The following PIK3C2G variants were observed in gnomAD, a reference collection of about 807,000 sequenced individuals.
PIK3C2G encodes phosphatidylinositol-4-phosphate 3-kinase catalytic subunit type 2 gamma.
Under a neutral mutation model 181.1 loss-of-function variants are expected in PIK3C2G, and 168 were observed. That is an observed-to-expected ratio of 0.93 (90% confidence interval 0.82 to 1.05). The LOEUF is 1.05. PIK3C2G is among the 50% of genes least tolerant of loss of function. The probability of loss-of-function intolerance (pLI) is 0.00; values close to 1 mark genes in which losing one functional copy is unlikely to be tolerated. For missense variants in PIK3C2G, 1,869 were observed against 1,732.8 expected (o/e 1.08, Z -1.40); for synonymous variants, 573 against 592.2 (o/e 0.97, Z 0.47).
At chr12:18,515,070 A>T (rs533036099) in intron 24 of PIK3C2G, among the ~76,000 whole-genome samples, 22 of 152,096 alleles carry the variant, frequency 1.4e-4, no homozygotes, top group African/African-American at 5.3e-4. Context: ...TCATCCTTGC[A>T]TCTCTGATAT....
the PIK3C2G span, chr12:18,693,527 G>T: frequency 6.2e-7 from 1 of 1,611,790 alleles, no homozygotes; most frequent in Admixed American, 1.7e-5. Context: ...CTTGAGAGTG[G>T]TTGGCTCTGA....
intron 27 of PIK3C2G, 69 bp downstream of exon 27, chr12:18,562,961 C>T: frequency 1.0e-6 from 1 of 976,840 alleles, no homozygotes; most frequent in Middle Eastern, 2.1e-4. Context: ...CTTCACTATG[C>T]TACACAGCCT....
intron 26 of PIK3C2G, among the ~76,000 whole-genome samples, chr12:18,559,091 G>T (rs1367326080): frequency 1.3e-5 from 2 of 152,188 alleles, no homozygotes; most frequent in Non-Finnish European, 2.9e-5. Flanking sequence ...ATGTCAAACT[G>T]CTTACAGTGG....
intron 5 of PIK3C2G, 24 bp from the exon 6 acceptor site, chr12:18,313,938 T>G (rs757414384): frequency 9.7e-6 from 11 of 1,131,640 alleles, no homozygotes; most frequent in Non-Finnish European, 1.4e-5. Flanking sequence ...AGGATATGAT[T>G]GTGTTCATTT....
chr12:18,694,818 T>C, the PIK3C2G span: 4 of 1,029,772 alleles, frequency 3.9e-6, no homozygotes, highest in Non-Finnish European at 5.6e-6. Context: ...TTAAAAGAAA[T>C]TGAAGCAAAT....
intron 18 of PIK3C2G, among the ~76,000 whole-genome samples, chr12:18,449,116 A>G (rs1031754127): frequency 2.9e-4 from 44 of 152,108 alleles, no homozygotes; most frequent in African/African-American, 1.0e-3. Context: ...CAGTGTATTG[A>G]GTCCTCTTGG....
At chr12:18,395,984 A>G (rs1943868603) in intron 15 of PIK3C2G, among the ~76,000 whole-genome samples, 1 of 151,522 alleles carries the variant, frequency 6.6e-6, no homozygotes, top group Admixed American at 6.6e-5. Flanking sequence ...CAAACAAAGA[A>G]AAAAACACGC....
At chr12:18,500,567 G>GC (rs1381383683) in intron 22 of PIK3C2G, among the ~76,000 whole-genome samples, 1 of 152,184 alleles carries the variant, frequency 6.6e-6, no homozygotes, top group Non-Finnish European at 1.5e-5. Context: ...TCCACCTGCA[G>GC]CCCCAATGCG....
chr12:18,642,259 C>T (rs1949882162), intron 32 of PIK3C2G, among the ~76,000 whole-genome samples: 1 of 152,156 alleles, frequency 6.6e-6, no homozygotes, highest in Non-Finnish European at 1.5e-5. Context: ...CATTTAAGTA[C>T]ATTACCCATT....
intron 24 of PIK3C2G, among the ~76,000 whole-genome samples, chr12:18,537,501 T>C (rs1943922654): frequency 6.6e-6 from 1 of 152,098 alleles, no homozygotes; most frequent in Non-Finnish European, 1.5e-5. Flanking sequence ...CGTGGGACCA[T>C]CTTCTCTCTG....
intron 18 of PIK3C2G, among the ~76,000 whole-genome samples, chr12:18,434,223 CT>C (rs928405387): frequency 6.6e-6 from 1 of 152,102 alleles, no homozygotes; most frequent in Non-Finnish European, 1.5e-5. Context: ...TTTTGGGAGA[CT>C]TTTTTATAAG....
chr12:18,330,427 T>C (rs1937810415), intron 8 of PIK3C2G, among the ~76,000 whole-genome samples: 1 of 152,284 alleles, frequency 6.6e-6, no homozygotes, highest in South Asian at 2.1e-4. Context: ...TAAGAGTTCT[T>C]GTGGTTCTGC....
chr12:18,356,384 G>A (rs1940731311), intron 11 of PIK3C2G, among the ~76,000 whole-genome samples: 1 of 152,102 alleles, frequency 6.6e-6, no homozygotes, highest in Non-Finnish European at 1.5e-5. Context: ...CTGGGTGTAC[G>A]GGCCAGGACA....
chr12:18,531,595 T>A (rs1299642050), intron 24 of PIK3C2G, among the ~76,000 whole-genome samples: 1 of 152,198 alleles, frequency 6.6e-6, no homozygotes, highest in Non-Finnish European at 1.5e-5. Context: ...TCCTATGTTT[T>A]TGTCATTTCA....
intron 32 of PIK3C2G, 109 bp from the exon 33 acceptor site, chr12:18,647,767 C>A: frequency 2.0e-6 from 1 of 503,656 alleles, no homozygotes; most frequent in Non-Finnish European, 3.3e-6. Context: ...CTATCTATTC[C>A]AGGGTATAAG....
intron 16 of PIK3C2G, among the ~76,000 whole-genome samples, chr12:18,408,069 T>C (rs1334742968): frequency 6.6e-6 from 1 of 152,180 alleles, no homozygotes; most frequent in Admixed American, 6.5e-5. Context: ...AAGATCACTC[T>C]GGTTTCTGAG....
chr12:18,571,207 T>C lies in PIK3C2G; in HGVS notation c.4011+4150T>C, dbSNP rs1346798855. Among the ~76,000 whole-genome samples, 14 of 150,958 alleles carry C rather than the reference T, an allele frequency of 9.3e-5. 1 individual carries two copies. Among genetic ancestry groups the C allele is most frequent in the African/African-American group, 3.5e-4 (14 of 40,460 alleles). ...ATACTTTTTAATTTTTTCAAATATA[T>C]TTAGCCTCTTTTTTGTTATTTCTAG... On this transcript the variant is annotated intron_variant, in intron 29 of 32. Transcript: ENST00000538779.
At chr12:18,243,256 A>G (rs1948004297), upstream of PIK3C2G, among the ~76,000 whole-genome samples, 1 of 151,528 alleles carries the variant, frequency 6.6e-6, no homozygotes, top group South Asian at 2.1e-4. Context: ...TTTCCTAGAT[A>G]ACAAATTGTT....
intron 28 of PIK3C2G, among the ~76,000 whole-genome samples, chr12:18,566,635 CTTTTTT>C (rs955290709): frequency 6.6e-6 from 1 of 152,042 alleles, no homozygotes; most frequent in Non-Finnish European, 1.5e-5. Context: ...TTCAGACAGT[CTTTTTT>C]TAAGACCCCA....
Sources: gnomAD v4.1 joint callset for allele counts (sites outside exome capture counted in the v4.1 genomes callset) on GRCh38, gnomAD v4.1.1 for gene constraint, MANE v1.5 for transcripts, NCBI Gene and HGNC (gene_info 2026-07-23, HGNC 2026-07-21) for gene names.